PTPDC1: variants seen among roughly 807,000 people sequenced by gnomAD.
PTPDC1 encodes protein tyrosine phosphatase domain containing 1.
Under a neutral mutation model 75.3 loss-of-function variants are expected in PTPDC1, and 53 were observed. The ratio of observed to expected loss-of-function variants is 0.70; its 90% confidence interval spans 0.56 to 0.88. PTPDC1 has a LOEUF of 0.88. Among genes scored for constraint, PTPDC1 ranks in the 40% least tolerant of loss-of-function variants. PTPDC1 has a pLI of 0.00. For missense variants in PTPDC1, 925 were observed against 998.6 expected (o/e 0.93, Z 0.99); for synonymous variants, 349 against 366.2 (o/e 0.95, Z 0.54).
chr9:94,087,009 C>T (rs1827097006), intron 2 of PTPDC1, among the ~76,000 whole-genome samples: 1 of 152,198 alleles, frequency 6.6e-6, no homozygotes, highest in Non-Finnish European at 1.5e-5. Flanking sequence ...CCCTGTGAGA[C>T]AGGCATTATT....
At chr9:94,083,541 C>CAGAGAGCT (rs1313758602), upstream of PTPDC1, among the ~76,000 whole-genome samples, 1 of 152,114 alleles carries the variant, frequency 6.6e-6, no homozygotes, top group Non-Finnish European at 1.5e-5. Flanking sequence ...ACCACTTGTG[C>CAGAGAGCT]AGAGAGCTAG....
In PTPDC1 at chr9:94,085,557, G is replaced by A. The variant is rs144403414; in HGVS notation, c.416+135G>A. The A allele has an allele frequency of 1.3e-4, 111 of 881,900 alleles. No homozygotes were observed. The African/African-American group carries it at 1.6e-3, about 13-fold the overall frequency. 54.6% of individuals were successfully genotyped at this position (881,900 alleles called of 1,614,324 possible). A position where few individuals can be genotyped will look rare whatever the true frequency, so the allele number is the denominator to read the frequency against. On this transcript the variant is annotated intron_variant, in intron 2 of 8. Coordinates refer to ENST00000620992, the MANE Select transcript of PTPDC1 (RefSeq NM_001253829.2). ...GACCTCACTTTGCCAGTCAGTTCTGGCTTTGCCTTAGCTGTGTGATCTTGG... is the reference window on the plus strand; with the variant it reads ...GACCTCACTTTGCCAGTCAGTTCTGACTTTGCCTTAGCTGTGTGATCTTGG...
Position 94,085,386 on chromosome 9 carries a change from A to C in PTPDC1, c.380A>C (p.Glu127Ala). The change falls in exon 2 of 9, where the codon GAG (glutamate) becomes GCG (alanine). Residue 127 changes from glutamate to alanine, a missense_variant. Physicochemically the swap from Glu to Ala is moderately radical, Grantham distance 107. Transcript: ENST00000620992. Reference protein sequence around the residue: ...CKYENPARWSEQEQAIKGVYS... With the variant: ...CKYENPARWSAQEQAIKGVYS... ...TATGAGAACCCAGCCCGCTGGAGTG[A>C]GCAGGAGCAAGCCATTAAGGGGGTT... 1 of 1,614,190 alleles carries C rather than the reference A, an allele frequency of 6.2e-7. No homozygotes were observed. Among genetic ancestry groups the C allele is most frequent in the Non-Finnish European group, 8.5e-7 (1 of 1,180,026 alleles).
At chr9:94,031,522 G>A (rs1829726631) in intron 1 of PTPDC1, among the ~76,000 whole-genome samples, 1 of 152,016 alleles carries the variant, frequency 6.6e-6, no homozygotes, top group South Asian at 2.1e-4. Context: ...TAGTCTGCCA[G>A]TTTGTGACCT....
intron 1 of PTPDC1, among the ~76,000 whole-genome samples, chr9:94,061,460 A>G (rs936955625): frequency 6.6e-6 from 1 of 152,226 alleles, no homozygotes; most frequent in Admixed American, 6.5e-5. Context: ...GACTCTGTGT[A>G]GGGGGTCCAA....
At chr9:94,102,047 T>G (rs1391111800) in intron 7 of PTPDC1, among the ~76,000 whole-genome samples, 1 of 152,206 alleles carries the variant, frequency 6.6e-6, no homozygotes, top group East Asian at 1.9e-4. Context: ...AACATACAAG[T>G]TTATATTTCA....
chr9:94,052,242 G>A (rs1031488305), intron 1 of PTPDC1, among the ~76,000 whole-genome samples: 1 of 152,114 alleles, frequency 6.6e-6, no homozygotes, highest in Non-Finnish European at 1.5e-5. Flanking sequence ...TTATTTAGAA[G>A]TGTGTTGGGT....
intron 1 of PTPDC1, among the ~76,000 whole-genome samples, chr9:94,036,435 G>A (rs1228125390): frequency 6.6e-6 from 1 of 151,848 alleles, no homozygotes; most frequent in Admixed American, 6.6e-5. Context: ...TTCCCAACAC[G>A]ATTTATTTAA....
chr9:94,036,656 A>G (rs1403173648), intron 1 of PTPDC1, among the ~76,000 whole-genome samples: 1 of 152,212 alleles, frequency 6.6e-6, no homozygotes, highest in Non-Finnish European at 1.5e-5. Flanking sequence ...TGGCTACAAA[A>G]GAATACTTCC....
Position 94,075,429 on chromosome 9 carries a change from A to T in PTPDC1, c.83-9822A>T, listed in dbSNP as rs1288507580. Among the ~76,000 whole-genome samples, 7 of 152,330 alleles carry T rather than the reference A, an allele frequency of 4.6e-5. 1 individual carries two copies. In the South Asian group the frequency reaches 1.0e-3, roughly 23 times the overall value. Reference sequence around the variant, plus strand: ...CTCTGAAACTGGGGGTTGGAAGATGATGTGGCATTTTTAACTGGAGTAGCG... The same window carrying T: ...CTCTGAAACTGGGGGTTGGAAGATGTTGTGGCATTTTTAACTGGAGTAGCG... On this transcript the variant is annotated intron_variant, in intron 2 of 9. Transcript: ENST00000375360.
chr9:94,098,892 C>T (rs1285146895), intron 6 of PTPDC1, among the ~76,000 whole-genome samples: 2 of 152,232 alleles, frequency 1.3e-5, no homozygotes, highest in African/African-American at 4.8e-5. Context: ...CAGCAGACAG[C>T]ATTCGAAACT....
chr9:94,078,486 T>C (rs1221512893), intron 2 of PTPDC1, among the ~76,000 whole-genome samples: 1 of 152,200 alleles, frequency 6.6e-6, no homozygotes, highest in Non-Finnish European at 1.5e-5. Flanking sequence ...TAGAGTTTTT[T>C]GAACTTCTTG....
chr9:94,071,899 T>C (rs1045445651), intron 2 of PTPDC1, among the ~76,000 whole-genome samples: 3 of 152,270 alleles, frequency 2.0e-5, no homozygotes, highest in African/African-American at 7.2e-5. Flanking sequence ...TATCTTTGAT[T>C]TATTTCATCA....
chr9:94,093,287 C>CA (rs1827401105), intron 4 of PTPDC1, among the ~76,000 whole-genome samples: 1 of 149,342 alleles, frequency 6.7e-6, no homozygotes, highest in Admixed American at 6.7e-5. Context: ...CTGGTGGTGA[C>CA]AAAATCTCTC....
chr9:94,101,828 T>C, intron 7 of PTPDC1, 77 bp downstream of exon 7: 1 of 848,126 alleles, frequency 1.2e-6, no homozygotes, highest in African/African-American at 1.7e-5. Context: ...AAATCCATTA[T>C]AAAAAAAGAG....
intron 8 of PTPDC1, 67 bp from the exon 9 acceptor site, chr9:94,107,761 C>A: frequency 1.2e-6 from 1 of 806,138 alleles, no homozygotes; most frequent in Non-Finnish European, 1.9e-6. Context: ...CCCCCTCCTT[C>A]TCTCAAAATA....
intron 1 of PTPDC1, among the ~76,000 whole-genome samples, chr9:94,037,091 A>C (rs541409374): frequency 2.9e-4 from 44 of 152,208 alleles, no homozygotes; most frequent in Non-Finnish European, 4.8e-4. Flanking sequence ...TTTCATGGAA[A>C]TATTTTCTCA....
In PTPDC1 at chr9:94,097,431, C is replaced by T; in HGVS notation, c.865C>T (p.Leu289Phe). The T allele has an allele frequency of 1.2e-6, 2 of 1,614,152 alleles. No individual in the cohort carries two copies. The highest frequency in any genetic ancestry group is 8.5e-7 in the Non-Finnish European group (1 of 1,179,992). ...PNSIQTRGQL[L>F]CVREFTQFLT... Reference sequence around the variant, plus strand: ...TTCCATACAAACCAGAGGACAGCTCCTCTGTGTAAGGGAATTTACTCAGTT... The same window carrying T: ...TTCCATACAAACCAGAGGACAGCTCTTCTGTGTAAGGGAATTTACTCAGTT... The change falls in exon 6 of 9, where the codon CTC becomes TTC. Residue 289 changes from leucine (L) to phenylalanine (F), a missense_variant. Transcript: ENST00000620992.
intron 1 of PTPDC1, among the ~76,000 whole-genome samples, chr9:94,040,981 A>T (rs922293475): frequency 2.6e-5 from 4 of 152,206 alleles, no homozygotes; most frequent in Non-Finnish European, 5.9e-5. Flanking sequence ...ATGTCCATTG[A>T]ACATTATTAT....
Sources: allele counts gnomAD v4.1 joint callset (sites outside exome capture counted in the v4.1 genomes callset), GRCh38; gene constraint gnomAD v4.1.1; transcripts MANE v1.5; gene names NCBI Gene and HGNC (gene_info 2026-07-23, HGNC 2026-07-21).